C4orf50: variants seen among roughly 807,000 people sequenced by gnomAD.
The protein encoded by C4orf50 is uncharacterized protein C4orf50.
Under a neutral mutation model 77.2 loss-of-function variants are expected in C4orf50, and 80 were observed. The observed-to-expected ratio is 1.04, with a 90% CI of 0.87 to 1.25. The LOEUF (loss-of-function observed/expected upper bound fraction) is 1.25. Ranked by LOEUF, C4orf50 falls within the 50% of genes most tolerant of loss-of-function variation. The pLI, the probability that C4orf50 is intolerant of heterozygous loss-of-function variation, is 0.00. For missense variants in C4orf50, 1,257 were observed against 1,152.9 expected, an observed-to-expected ratio of 1.09 and a Z score of -1.31; for synonymous variants, 532 against 465.3, an observed-to-expected ratio of 1.14 and a Z score of -1.84.
exon 28 of C4orf50, chr4:5,989,088 G>T: frequency 1.3e-6 from 2 of 1,536,110 alleles, no homozygotes; most frequent in Non-Finnish European, 1.7e-6. Flanking sequence ...TTAACTGAGA[G>T]ATGTCCCCTA....
At chr4:5,957,696 TAGAC>T (rs1257716117) in exon 34 of C4orf50, 5 of 152,178 alleles carry the variant, frequency 3.3e-5, no homozygotes, top group African/African-American at 1.2e-4. Flanking sequence ...AATAAATAAA[TAGAC>T]AGATCTGTGG....
intron 25 of C4orf50, among the ~76,000 whole-genome samples, chr4:6,002,302 C>G (rs1721864231): frequency 6.6e-6 from 1 of 152,194 alleles, no homozygotes; most frequent in South Asian, 2.1e-4. Context: ...TGGCAAGGAG[C>G]AGACTGTCCC....
rs1378418571 is a variant in C4orf50, at chr4:6,007,903, C to T, written c.963+93G>A. ...GTTAAACGGCTGTAGGAAGAGGAGC[C>T]CGGGGAATGGATGGGCCAATGACTT... On this transcript the variant is annotated intron_variant, in intron 25 of 33. Coordinates refer to ENST00000531445, the Ensembl canonical transcript of C4orf50. This position sits in a 1 kb window ranked among gnomAD's most constrained non-coding sequence, Gnocchi z 4.1. 7.5e-6 allele frequency: 3 copies of T among 398,404 alleles called. No homozygotes were observed. The highest frequency in any genetic ancestry group is 7.1e-5 in the East Asian group (2 of 28,064). The allele number at this position is 398,404 out of a possible 1,614,324, so 24.7% of individuals were successfully genotyped here. A position where few individuals can be genotyped will look rare whatever the true frequency, so the allele number is the denominator to read the frequency against.
In C4orf50 at chr4:6,007,858, C is replaced by A; in HGVS notation, c.963+138G>T. ...GGAGGTGAGTAGATGCAGTGAAGGA[C>A]GATGGACAGGGCTGGCAGGGTTAAA... is the stretch of plus-strand genomic sequence containing the variant. On this transcript the variant is annotated intron_variant, in intron 25 of 33. Coordinates refer to ENST00000531445, the Ensembl canonical transcript of C4orf50. This position sits in a 1 kb window ranked among gnomAD's most constrained non-coding sequence, Gnocchi z 4.1. 1 of 397,388 alleles carries A rather than the reference C, an allele frequency of 2.5e-6. No homozygotes were observed. The highest frequency in any genetic ancestry group is 1.4e-4 in the South Asian group (1 of 7,008). 24.6% of individuals were successfully genotyped at this position (397,388 alleles called of 1,614,324 possible).
chr4:5,981,327 A>C (rs868866384), intron 28 of C4orf50, among the ~76,000 whole-genome samples: 4 of 151,960 alleles, frequency 2.6e-5, no homozygotes, highest in Non-Finnish European at 5.9e-5. Context: ...GCCCTTGTAC[A>C]TAAATACTTA....
At chr4:5,987,247 C>T (rs1392297596) in intron 28 of C4orf50, among the ~76,000 whole-genome samples, 4 of 151,510 alleles carry the variant, frequency 2.6e-5, no homozygotes, top group African/African-American at 9.7e-5. Flanking sequence ...CCCGTCTCTA[C>T]TAAAATACAA....
chr4:5,939,002 G>C (rs1279806623), intron 7 of C4orf50, among the ~76,000 whole-genome samples: 1 of 152,114 alleles, frequency 6.6e-6, no homozygotes, highest in Non-Finnish European at 1.5e-5. Flanking sequence ...AGCACTTTGG[G>C]AGGCCAAGGC....
intron 25 of C4orf50, among the ~76,000 whole-genome samples, chr4:6,002,646 A>C (rs2108801867): frequency 6.6e-6 from 1 of 152,184 alleles, no homozygotes; most frequent in African/African-American, 2.4e-5. Context: ...CCTGCCCCAG[A>C]GCTTCCCCCC....
chr4:6,004,323 A>G (rs138101810), intron 25 of C4orf50, among the ~76,000 whole-genome samples: 282 of 22,384 alleles, frequency 0.013, 41 homozygotes, highest in East Asian at 0.097. Flanking sequence ...ATGTGATCGT[A>G]ATGGTGATGA....
chr4:5,937,294 G>A (rs539778121), intron 7 of C4orf50, among the ~76,000 whole-genome samples: 28 of 152,242 alleles, frequency 1.8e-4, no homozygotes, highest in African/African-American at 5.3e-4. Context: ...GCAAGGGGAG[G>A]TATGAAAATT....
At position 5,916,807 on chromosome 4, in the gene C4orf50, G is replaced by C. The variant is rs1376632615; in HGVS notation, c.*2475-18619C>G. Among the ~76,000 whole-genome samples, 2 of 152,166 alleles carry C rather than the reference G, an allele frequency of 1.3e-5. No individual in the cohort carries two copies. Among genetic ancestry groups the C allele is most frequent in the African/African-American group, 4.8e-5 (2 of 41,446 alleles). ...GAAGGCCTCGCAGATCTTCTGCTTAGAGGACAGGAGCCTCTGCTTGAGGTG... is the reference window on the plus strand; with the variant it reads ...GAAGGCCTCGCAGATCTTCTGCTTACAGGACAGGAGCCTCTGCTTGAGGTG... On this transcript the variant is annotated intron_variant, in intron 7 of 7. Transcript: ENST00000324058. The surrounding 1 kb of genome is among the most constrained non-coding windows in gnomAD (Gnocchi z 4.4).
intron 30 of C4orf50, 72 bp from the exon 9 acceptor site, chr4:5,973,913 C>G: frequency 3.1e-6 from 4 of 1,303,566 alleles, no homozygotes; most frequent in Non-Finnish European, 3.1e-6. Context: ...GGCTGGGGGC[C>G]GGAGGGTCAG....
intron 7 of C4orf50, among the ~76,000 whole-genome samples, chr4:5,933,005 A>G (rs192278501): frequency 8.5e-5 from 13 of 152,300 alleles, no homozygotes; most frequent in Admixed American, 2.0e-4. Context: ...TAATTTTTGT[A>G]AACAAATTTC....
At chr4:5,936,004 G>C (rs1401495206) in intron 7 of C4orf50, among the ~76,000 whole-genome samples, 1 of 152,034 alleles carries the variant, frequency 6.6e-6, no homozygotes, top group Non-Finnish European at 1.5e-5. Flanking sequence ...CTTATGATGG[G>C]ACAGTACAAC....
chr4:5,945,882 C>CTGCCATCCAT (rs1718460089), intron 7 of C4orf50, among the ~76,000 whole-genome samples: 1 of 152,198 alleles, frequency 6.6e-6, no homozygotes, highest in Non-Finnish European at 1.5e-5. Flanking sequence ...CATCCATTCT[C>CTGCCATCCAT]TGGCCCCAGG....
chr4:6,004,256 ATGG>A (rs1560598897), intron 25 of C4orf50, among the ~76,000 whole-genome samples: 1,314 of 64,716 alleles, frequency 0.02, 133 homozygotes, highest in East Asian at 0.069. Flanking sequence ...GATGATGGTG[ATGG>A]TGATGGTGGT....
exon 8 of C4orf50, chr4:5,898,080 G>C (rs994312081): frequency 6.6e-6 from 1 of 152,228 alleles, no homozygotes; most frequent in Non-Finnish European, 1.5e-5. Flanking sequence ...CAGCGGGAAA[G>C]TACACAATTT....
At chr4:5,968,072 C>T (rs139950416) in intron 31 of C4orf50, among the ~76,000 whole-genome samples, 438 of 152,330 alleles carry the variant, frequency 2.9e-3, no homozygotes, top group African/African-American at 7.7e-3. Flanking sequence ...TCTGATGGGG[C>T]AGGGTCCTGT....
chr4:5,924,729 G>C (rs1717437636), intron 7 of C4orf50, among the ~76,000 whole-genome samples: 1 of 152,230 alleles, frequency 6.6e-6, no homozygotes, highest in African/African-American at 2.4e-5. Context: ...ACGTGGATGT[G>C]GGGAGAGGGG....
Sources: allele counts gnomAD v4.1 joint callset (sites outside exome capture counted in the v4.1 genomes callset), GRCh38; gene constraint gnomAD v4.1.1; non-coding constraint Gnocchi (gnomAD v3.1); transcripts MANE v1.5; gene names NCBI Gene and HGNC (gene_info 2026-07-23, HGNC 2026-07-21).